RORA: variants seen among roughly 807,000 people sequenced by gnomAD.
The protein encoded by RORA is RAR related orphan receptor A, also known as nuclear receptor ROR-alpha.
RORA carries 7 observed loss-of-function variants against 69.5 expected under a neutral mutation model. The observed-to-expected ratio is 0.10, with a 90% CI of 0.06 to 0.19. The LOEUF (loss-of-function observed/expected upper bound fraction) is 0.19, where lower values mean the gene tolerates loss of function less well. RORA is among the 10% of genes least tolerant of loss of function. The probability of loss-of-function intolerance (pLI) is 1.00; values close to 1 mark genes in which losing one functional copy is unlikely to be tolerated. For synonymous variants in RORA, 261 were observed against 240.8 expected (o/e 1.08, Z -0.78); for missense variants, 457 against 663.0 (o/e 0.69, Z 3.41).
intron 1 of RORA, among the ~76,000 whole-genome samples, chr15:60,967,024 A>C (rs1341098809): frequency 2.6e-5 from 4 of 152,176 alleles, no homozygotes; most frequent in Non-Finnish European, 5.9e-5. Context: ...CATTACCCAA[A>C]ATGATTATCC....
At chr15:60,760,973 T>C (rs1386036193) in intron 1 of RORA, among the ~76,000 whole-genome samples, 3 of 152,176 alleles carry the variant, frequency 2.0e-5, no homozygotes, top group Non-Finnish European at 4.4e-5. Flanking sequence ...AGTTTTTGTA[T>C]GACGCTGCCT....
intron 2 of RORA, among the ~76,000 whole-genome samples, chr15:60,617,536 T>C (rs559000260): frequency 6.6e-6 from 1 of 152,188 alleles, no homozygotes; most frequent in Admixed American, 6.5e-5. Flanking sequence ...GAACTGTCAT[T>C]GGCCAATTTC....
chr15:61,204,529 T>C (rs1016422930), intron 1 of RORA, among the ~76,000 whole-genome samples: 1 of 152,170 alleles, frequency 6.6e-6, no homozygotes, highest in Non-Finnish European at 1.5e-5. Flanking sequence ...AGATGAAAGA[T>C]GAGTCTGGAA....
At chr15:60,943,220 G>A (rs923952141) in intron 1 of RORA, among the ~76,000 whole-genome samples, 1 of 152,184 alleles carries the variant, frequency 6.6e-6, no homozygotes, top group Admixed American at 6.5e-5. Flanking sequence ...AAAAACCAGG[G>A]TGCTGAGGAA....
At chr15:60,609,640 A>G (rs2069038007) in intron 2 of RORA, among the ~76,000 whole-genome samples, 1 of 152,240 alleles carries the variant, frequency 6.6e-6, no homozygotes, top group Non-Finnish European at 1.5e-5. Context: ...AAGCCGCCGC[A>G]TCTCAACCCA....
intron 1 of RORA, among the ~76,000 whole-genome samples, chr15:61,076,151 C>T (rs994246447): frequency 4.6e-5 from 7 of 152,272 alleles, no homozygotes; most frequent in South Asian, 2.1e-4. Context: ...CAGGAGCATG[C>T]GTCAGATGTG....
At chr15:60,659,783 G>A (rs1158200974) in intron 2 of RORA, among the ~76,000 whole-genome samples, 1 of 152,092 alleles carries the variant, frequency 6.6e-6, no homozygotes, top group Non-Finnish European at 1.5e-5. Flanking sequence ...TAAAAAAATT[G>A]AATAGCATAA....
At chr15:61,099,948 G>A (rs2078852819) in intron 1 of RORA, among the ~76,000 whole-genome samples, 1 of 152,076 alleles carries the variant, frequency 6.6e-6, no homozygotes, top group African/African-American at 2.4e-5. Flanking sequence ...TGGGTTCACT[G>A]CTATTACCTT....
intron 1 of RORA, among the ~76,000 whole-genome samples, chr15:61,060,049 G>GAAA (rs1433488437): frequency 1.1e-4 from 16 of 148,696 alleles, no homozygotes; most frequent in Non-Finnish European, 1.9e-4. Context: ...AGAAGAAGAA[G>GAAA]AAAGCCTTTC....
At chr15:60,580,431 A>G (rs539725682) in intron 2 of RORA, among the ~76,000 whole-genome samples, 8 of 152,312 alleles carry the variant, frequency 5.3e-5, no homozygotes, top group African/African-American at 1.9e-4. Context: ...CCAATCCACC[A>G]ATTTGAAATG....
intron 1 of RORA, among the ~76,000 whole-genome samples, chr15:60,980,295 A>G (rs1894007143): frequency 6.6e-6 from 1 of 152,090 alleles, no homozygotes; most frequent in Non-Finnish European, 1.5e-5. Flanking sequence ...TATTTTGTTG[A>G]TAATTTTTGC....
rs745459679 is a variant in RORA, at chr15:60,707,054, C to T, written c.167-28368G>A. Among the ~76,000 whole-genome samples, 64 of 152,176 alleles carry T rather than the reference C, an allele frequency of 4.2e-4. 1 individual carries two copies. The highest frequency in any genetic ancestry group is 5.4e-4 in the Non-Finnish European group (37 of 68,040). On this transcript the variant is annotated intron_variant, in intron 1 of 10. Transcript: ENST00000335670. ...TGTGCAAATGGAGGCATACAACATG[C>T]TCTGAGGGAAGATACCACTTTTTCC...
intron 1 of RORA, among the ~76,000 whole-genome samples, chr15:61,139,383 C>T (rs1009239974): frequency 3.3e-5 from 5 of 152,096 alleles, no homozygotes; most frequent in South Asian, 2.1e-4. Context: ...GGACATTTTG[C>T]CCCAAAAGAC....
chr15:60,771,219 C>T (rs897475422), intron 1 of RORA, among the ~76,000 whole-genome samples: 1 of 151,950 alleles, frequency 6.6e-6, no homozygotes, highest in African/African-American at 2.4e-5. Flanking sequence ...GTTTGAGTTA[C>T]TTTCCCATCT....
chr15:60,603,390 G>A lies in RORA; in HGVS notation c.197-71539C>T, dbSNP rs2068865880. 2.0e-5 allele frequency among the ~76,000 whole-genome samples: 3 copies of A among 152,314 alleles called. 1 individual carries two copies. The highest frequency in any genetic ancestry group is 1.9e-4 in the East Asian group (1 of 5,182). ...TTTTGCATTCCTATCAGCAATGTAT[G>A]AGAGTTCCAGTTGCTCCATATCCTC... is the stretch of plus-strand genomic sequence containing the variant. On this transcript the variant is annotated intron_variant, in intron 2 of 10. Transcript: ENST00000335670.
Position 60,534,312 on chromosome 15 carries a change from T to A in RORA, c.197-2461A>T, listed in dbSNP as rs2066615628. Among the ~76,000 whole-genome samples the A allele has an allele frequency of 6.6e-6, 1 of 152,130 alleles. No homozygotes were observed. The highest frequency in any genetic ancestry group is 1.5e-5 in the Non-Finnish European group (1 of 68,014). On this transcript the variant is annotated intron_variant, in intron 2 of 10. Coordinates refer to ENST00000335670, the MANE Select transcript of RORA (RefSeq NM_134261.3). This position sits in a 1 kb window ranked among gnomAD's most constrained non-coding sequence, Gnocchi z 5.0. ...TAGGGGTGCGGGTGGGGAGCAGTTG[T>A]AGTACAGACCCCAGAGTTTGGTGCC...
intron 1 of RORA, among the ~76,000 whole-genome samples, chr15:60,741,950 GC>G (rs1439886125): frequency 6.6e-6 from 1 of 152,052 alleles, no homozygotes; most frequent in Non-Finnish European, 1.5e-5. Flanking sequence ...TCTGGACAGC[GC>G]CTGCGAGTTC....
chr15:60,834,924 A>C (rs1055668145), intron 1 of RORA, among the ~76,000 whole-genome samples: 6 of 151,934 alleles, frequency 3.9e-5, no homozygotes, highest in Non-Finnish European at 7.4e-5. Context: ...CCAAAAAAAA[A>C]CTATCTTTGT....
intron 2 of RORA, among the ~76,000 whole-genome samples, chr15:60,594,210 G>C (rs940749120): frequency 1.3e-5 from 2 of 152,184 alleles, no homozygotes; most frequent in Non-Finnish European, 2.9e-5. Context: ...AAATGAATCA[G>C]CCATACCCAC....
Sources: gnomAD v4.1 joint callset for allele counts (sites outside exome capture counted in the v4.1 genomes callset) on GRCh38, gnomAD v4.1.1 for gene constraint, Gnocchi (gnomAD v3.1) non-coding constraint, MANE v1.5 for transcripts, NCBI Gene and HGNC (gene_info 2026-07-23, HGNC 2026-07-21) for gene names.